ADGRD2: variants seen among roughly 807,000 people sequenced by gnomAD.
ADGRD2 encodes G protein-coupled receptor PGR24.
In ADGRD2, 71 loss-of-function variants were observed where a neutral mutation model predicts 44.4. The observed-to-expected ratio is 1.60, with a 90% CI of 1.32 to 1.95. The LOEUF is 1.95. ADGRD2 is among the 30% of genes most tolerant of loss of function. The pLI is 0.00. For missense variants in ADGRD2, 1,039 were observed against 512.4 expected, an observed-to-expected ratio of 2.03 and a Z score of -9.92; for synonymous variants, 481 against 224.8, an observed-to-expected ratio of 2.14 and a Z score of -10.19.
intron 10 of ADGRD2, among the ~76,000 whole-genome samples, chr9:124,462,824 C>T (rs962684784): frequency 6.6e-6 from 1 of 152,160 alleles, no homozygotes; most frequent in African/African-American, 2.4e-5. Context: ...CACACTTGCT[C>T]ATGTTGTCTG....
At chr9:124,460,352 G>A (rs549418539) in intron 10 of ADGRD2, among the ~76,000 whole-genome samples, 43 of 149,768 alleles carry the variant, frequency 2.9e-4, no homozygotes, top group African/African-American at 9.7e-4. Context: ...ACAGGCATGC[G>A]CTACCATGTC....
chr9:124,452,054 G>A (rs767888994), upstream of ADGRD2: 2 of 712,436 alleles, frequency 2.8e-6, no homozygotes, highest in South Asian at 3.0e-5. Flanking sequence ...GTGAGGGGAG[G>A]GTTGTCCCAG....
exon 3 of ADGRD2, chr9:124,453,400 C>T: frequency 1.7e-6 from 1 of 593,428 alleles, no homozygotes; most frequent in Non-Finnish European, 2.9e-6. Flanking sequence ...CGCTGGGGCG[C>T]GGGGGCTGGG....
In ADGRD2 at chr9:124,452,496, CTT is replaced by C. The variant is rs1174800210; in HGVS notation, c.69-13_69-12del. Reference sequence around the variant, plus strand: ...ACAAAATGCACCCCCCACCGTCTCTCTTATCGTTTTTAGCCCCCGTGGCCGCC... The same window carrying C: ...ACAAAATGCACCCCCCACCGTCTCTCATCGTTTTTAGCCCCCGTGGCCGCC... On this transcript the variant is annotated splice_polypyrimidine_tract_variant and intron_variant, in intron 1 of 21. Coordinates refer to ENST00000334810, the Ensembl canonical transcript of ADGRD2. The C allele has an allele frequency of 1.4e-6, 1 of 718,518 alleles. No homozygotes were observed. The highest frequency in any genetic ancestry group is 2.7e-5 in the East Asian group (1 of 37,300). The allele number at this position is 718,518 out of a possible 1,614,324, so 44.5% of individuals were successfully genotyped here.
chr9:124,451,087 G>A, upstream of ADGRD2: 3 of 472,226 alleles, frequency 6.4e-6, no homozygotes, highest in Non-Finnish European at 1.3e-5. Flanking sequence ...GAGACTGGGA[G>A]GCAGTCCAGG....
Position 124,456,549 on chromosome 9 carries a change from T to C in ADGRD2, c.1394-73T>C, listed in dbSNP as rs75227469. ...ACCACCTCCCAGATCATGGAGCATTTATCCCAGCGCTCAGGGCAGGCGGCA... is the reference window on the plus strand; with the variant it reads ...ACCACCTCCCAGATCATGGAGCATTCATCCCAGCGCTCAGGGCAGGCGGCA... On this transcript the variant is annotated intron_variant, in intron 6 of 21. Coordinates refer to ENST00000334810, the Ensembl canonical transcript of ADGRD2. 8.0e-4 allele frequency: 566 copies of C among 705,758 alleles called. 3 individuals are homozygous for C. In the African/African-American group the frequency reaches 9.0e-3, roughly 11 times the overall value. 43.7% of individuals were successfully genotyped at this position (705,758 alleles called of 1,614,324 possible).
At chr9:124,476,939 T>A in intron 21 of ADGRD2, 1 of 703,134 alleles carries the variant, frequency 1.4e-6, no homozygotes, top group South Asian at 1.5e-5. Flanking sequence ...AACCCTATTC[T>A]GAGCGGGCGC....
At chr9:124,457,483 C>T (rs1047690527) in exon 8 of ADGRD2, 24 of 642,736 alleles carry the variant, frequency 3.7e-5, no homozygotes, top group African/African-American at 2.0e-4. Flanking sequence ...CCTGGAGGTG[C>T]GGAGCTTACG....
chr9:124,460,390 T>TATTA (rs1564139962), intron 10 of ADGRD2, among the ~76,000 whole-genome samples: 2 of 85,496 alleles, frequency 2.3e-5, no homozygotes, highest in Non-Finnish European at 2.7e-5. Context: ...ATATATATAT[T>TATTA]TTTTTTTAGT....
chr9:124,469,739 G>A (rs888621387), intron 16 of ADGRD2, among the ~76,000 whole-genome samples, 192 bp downstream of exon 19: 5 of 152,270 alleles, frequency 3.3e-5, no homozygotes, highest in African/African-American at 1.2e-4. Flanking sequence ...GCTTGGGCAT[G>A]TCAACATGTG....
intron 10 of ADGRD2, among the ~76,000 whole-genome samples, chr9:124,464,227 G>C (rs1831772173): frequency 6.6e-6 from 1 of 152,056 alleles, no homozygotes; most frequent in South Asian, 2.1e-4. Context: ...TACTCATTGT[G>C]ACACATTCAG....
chr9:124,451,445 G>A (rs138607585), upstream of ADGRD2: 197 of 356,760 alleles, frequency 5.5e-4, no homozygotes, highest in East Asian at 0.01. Context: ...AGTAAATGTC[G>A]TCCCTACTAG....
chr9:124,475,578 G>A (rs1310045831), exon 19 of ADGRD2: 1 of 712,682 alleles, frequency 1.4e-6, no homozygotes, highest in Admixed American at 2.0e-5. Flanking sequence ...CAGGTGCGGA[G>A]CGCCCTGCAG....
intron 10 of ADGRD2, among the ~76,000 whole-genome samples, chr9:124,464,908 A>G (rs921860233): frequency 7.9e-5 from 12 of 152,162 alleles, no homozygotes; most frequent in African/African-American, 1.9e-4. Flanking sequence ...CCTTTACTGA[A>G]CAAAGTATCA....
At chr9:124,469,396 G>C (rs1289436837) in intron 15 of ADGRD2, 36 bp from the exon 19 acceptor site, 2 of 718,128 alleles carry the variant, frequency 2.8e-6, no homozygotes, top group South Asian at 1.5e-5. Flanking sequence ...GTTGGGGATG[G>C]GGAAGTCCTC....
chr9:124,457,710 G>T, intron 8 of ADGRD2, 104 bp downstream of exon 11: 1 of 541,670 alleles, frequency 1.8e-6, no homozygotes, highest in Non-Finnish European at 3.3e-6. Flanking sequence ...TCCTCAGTTT[G>T]CTCGTCTGTA....
chr9:124,464,458 C>T (rs926051346), intron 10 of ADGRD2, among the ~76,000 whole-genome samples: 3 of 152,188 alleles, frequency 2.0e-5, no homozygotes, highest in Non-Finnish European at 4.4e-5. Flanking sequence ...TCAGTTTCCT[C>T]ATCTGAAATT....
At chr9:124,470,854 G>A (rs1413721666) in intron 17 of ADGRD2, among the ~76,000 whole-genome samples, 1 of 152,254 alleles carries the variant, frequency 6.6e-6, no homozygotes, top group South Asian at 2.1e-4. Context: ...GGAAGGCTGA[G>A]ACCCAGAAAG....
intron 10 of ADGRD2, among the ~76,000 whole-genome samples, chr9:124,464,876 A>T (rs1217324039): frequency 6.6e-6 from 1 of 152,118 alleles, no homozygotes; most frequent in Non-Finnish European, 1.5e-5. Context: ...GGCTTATATC[A>T]TGCCCAATGT....
Sources: allele counts gnomAD v4.1 joint callset (sites outside exome capture counted in the v4.1 genomes callset), GRCh38; gene constraint gnomAD v4.1.1; transcripts MANE v1.5; gene names NCBI Gene and HGNC (gene_info 2026-07-23, HGNC 2026-07-21).